PLCB1: variants seen among roughly 807,000 people sequenced by gnomAD.
The protein encoded by PLCB1 is phospholipase C beta 1.
PLCB1 carries 46 observed loss-of-function variants against 161.8 expected under a neutral mutation model. That is an observed-to-expected ratio of 0.28 (90% CI 0.22 to 0.36). The LOEUF (loss-of-function observed/expected upper bound fraction) is 0.36. Ranked by LOEUF, PLCB1 falls within the 10% of genes least tolerant of loss-of-function variation. The pLI is 1.00. For synonymous variants in PLCB1, 517 were observed against 503.7 expected (o/e 1.03, Z -0.35); for missense variants, 1,016 against 1,472.5 (o/e 0.69, Z 5.07).
intron 3 of PLCB1, among the ~76,000 whole-genome samples, chr20:8,410,191 T>G (rs1372249815): frequency 6.6e-6 from 1 of 152,206 alleles, no homozygotes; most frequent in Non-Finnish European, 1.5e-5. Flanking sequence ...ATTTATCCAT[T>G]ATACAATTGA....
chr20:8,659,040 A>G (rs1989549730), intron 9 of PLCB1, among the ~76,000 whole-genome samples: 1 of 152,090 alleles, frequency 6.6e-6, no homozygotes, highest in Non-Finnish European at 1.5e-5. Context: ...TTTTCTAGTA[A>G]GTTCTGTGAA....
chr20:8,504,605 T>C (rs1983556607), intron 3 of PLCB1, among the ~76,000 whole-genome samples: 1 of 152,136 alleles, frequency 6.6e-6, no homozygotes, highest in Non-Finnish European at 1.5e-5. Flanking sequence ...TTCTTTGTTC[T>C]TGTTTTCTTC....
intron 3 of PLCB1, among the ~76,000 whole-genome samples, chr20:8,582,633 G>A (rs1986869391): frequency 6.6e-6 from 1 of 152,156 alleles, no homozygotes; most frequent in Non-Finnish European, 1.5e-5. Flanking sequence ...AATATCCATT[G>A]ATGGATGAGT....
intron 4 of PLCB1, among the ~76,000 whole-genome samples, chr20:8,640,317 T>C (rs187038715): frequency 1.2e-4 from 19 of 152,342 alleles, no homozygotes; most frequent in African/African-American, 4.6e-4. Context: ...ATTGCTCCCC[T>C]TTTTCTGTTT....
intron 2 of PLCB1, among the ~76,000 whole-genome samples, chr20:8,242,849 A>C (rs1980691196): frequency 6.6e-6 from 1 of 151,984 alleles, no homozygotes; most frequent in Admixed American, 6.6e-5. Flanking sequence ...TCTGGTTTGG[A>C]AATGTCATCT....
intron 3 of PLCB1, among the ~76,000 whole-genome samples, chr20:8,541,801 C>G (rs1054110383): frequency 2.6e-5 from 4 of 152,166 alleles, no homozygotes; most frequent in Admixed American, 2.0e-4. Context: ...GACCTGCAAG[C>G]AATGTCTCAA....
At position 8,721,008 on chromosome 20, in the gene PLCB1, A is replaced by G. The variant is rs1466522042; in HGVS notation, c.1514-1346A>G. ...GATTCACCTTATTAACTAACACAAT[A>G]TCAGCATTATAAAGTGGTTGTATGT... On this transcript the variant is annotated intron_variant, in intron 14 of 31. Transcript: ENST00000338037. 4.6e-5 allele frequency among the ~76,000 whole-genome samples: 7 copies of G among 152,242 alleles called. No homozygotes were observed. The East Asian group carries it at 9.6e-4, about 21-fold the overall frequency.
At chr20:8,629,458 A>C (rs1265136962) in intron 4 of PLCB1, among the ~76,000 whole-genome samples, 1 of 152,192 alleles carries the variant, frequency 6.6e-6, no homozygotes, top group Non-Finnish European at 1.5e-5. Flanking sequence ...TGCTTTCTCT[A>C]GAAACGTCCA....
intron 10 of PLCB1, among the ~76,000 whole-genome samples, chr20:8,692,833 A>G (rs1990509665): frequency 6.6e-6 from 1 of 152,068 alleles, no homozygotes; most frequent in Non-Finnish European, 1.5e-5. Flanking sequence ...AGGTTCCCTG[A>G]CAGCCCCCCA....
At chr20:8,507,150 T>C (rs1983669852) in intron 3 of PLCB1, among the ~76,000 whole-genome samples, 1 of 152,166 alleles carries the variant, frequency 6.6e-6, no homozygotes, top group Non-Finnish European at 1.5e-5. Context: ...ATATTTACTA[T>C]TAGTTAAGTG....
chr20:8,628,756 G>A (rs1040358521), intron 4 of PLCB1: 4 of 204,834 alleles, frequency 2.0e-5, no homozygotes, highest in African/African-American at 9.2e-5. Flanking sequence ...CCAACATGGT[G>A]AATCCCTGTC....
At chr20:8,495,388 CTTTTTTTT>C (rs869173548) in intron 3 of PLCB1, among the ~76,000 whole-genome samples, 1,125 of 94,256 alleles carry the variant, frequency 0.012, 15 homozygotes, top group Middle Eastern at 0.067. Flanking sequence ...ACCTTCCTTT[CTTTTTTTT>C]TTTTTTTTTT....
chr20:8,648,739 A>C (rs936184842), intron 6 of PLCB1, among the ~76,000 whole-genome samples: 2 of 152,164 alleles, frequency 1.3e-5, no homozygotes, highest in Non-Finnish European at 2.9e-5. Context: ...CAGGATTTTG[A>C]GAGCAGCCTA....
intron 2 of PLCB1, among the ~76,000 whole-genome samples, chr20:8,197,406 T>C (rs1323716968): frequency 4.6e-5 from 7 of 152,226 alleles, no homozygotes; most frequent in African/African-American, 7.2e-5. Context: ...ATTTCTCTGA[T>C]GGCCAGTGAT....
chr20:8,249,320 G>C (rs558404253), intron 2 of PLCB1: 24 of 152,024 alleles, frequency 1.6e-4, no homozygotes, highest in African/African-American at 5.3e-4. Context: ...TTTCTAATGT[G>C]CCTCATTTTG....
At chr20:8,537,456 A>G (rs184921090) in intron 3 of PLCB1, among the ~76,000 whole-genome samples, 114 of 152,164 alleles carry the variant, frequency 7.5e-4, no homozygotes, top group African/African-American at 2.7e-3. Flanking sequence ...GGTATTTCCT[A>G]TCTATATAGG....
At chr20:8,166,490 C>T (rs1402982058) in intron 2 of PLCB1, among the ~76,000 whole-genome samples, 2 of 152,178 alleles carry the variant, frequency 1.3e-5, no homozygotes, top group Non-Finnish European at 2.9e-5. Context: ...TCTCTACTCA[C>T]ATGTTAGGGA....
intron 31 of PLCB1, among the ~76,000 whole-genome samples, chr20:8,855,241 C>T (rs889698473): frequency 6.6e-6 from 1 of 152,054 alleles, no homozygotes; most frequent in South Asian, 2.1e-4. Flanking sequence ...CCCACCAATT[C>T]TAGGGAGTTA....
At chr20:8,551,553 G>C (rs115088075) in intron 3 of PLCB1, among the ~76,000 whole-genome samples, 1,657 of 152,156 alleles carry the variant, frequency 0.011, 23 homozygotes, top group African/African-American at 0.035. Context: ...CTTTACCAGA[G>C]GGCTTTCTCT....
Sources: gnomAD v4.1 joint callset for allele counts (sites outside exome capture counted in the v4.1 genomes callset) on GRCh38, gnomAD v4.1.1 for gene constraint, MANE v1.5 for transcripts, NCBI Gene and HGNC (gene_info 2026-07-23, HGNC 2026-07-21) for gene names.